The following FCHO2 variants were observed in gnomAD, a reference collection of about 807,000 sequenced individuals.
FCHO2 encodes the protein FCH and mu domain containing endocytic adaptor 2, also known as F-BAR domain only protein 2.
FCHO2 carries 43 observed loss-of-function variants against 114.1 expected under a neutral mutation model. That is an observed-to-expected ratio of 0.38 (90% CI 0.30 to 0.49). The LOEUF (loss-of-function observed/expected upper bound fraction) is 0.49, where lower values mean the gene tolerates loss of function less well. Among genes scored for constraint, FCHO2 ranks in the 20% least tolerant of loss-of-function variants. The pLI, the probability that FCHO2 is intolerant of heterozygous loss-of-function variation, is 0.97. For missense variants in FCHO2, 807 were observed against 950.4 expected (o/e 0.85, Z 1.98); for synonymous variants, 293 against 315.2 (o/e 0.93, Z 0.75).
intron 5 of FCHO2, chr5:72,997,690 G>A (rs920921906): frequency 6.4e-7 from 1 of 1,552,884 alleles, no homozygotes; most frequent in Non-Finnish European, 8.8e-7. Flanking sequence ...GGAAAGGGAG[G>A]GCGAGCCCTT....
In FCHO2 at chr5:73,053,908, G is replaced by A. The variant is rs1191295776; in HGVS notation, c.1174-252G>A. Reference sequence around the variant, plus strand: ...TTTCAGTTTGTTTTTAAAAAACAATGAACATGTATTAATTTCATACTATGA... The same window carrying A: ...TTTCAGTTTGTTTTTAAAAAACAATAAACATGTATTAATTTCATACTATGA... On this transcript the variant is annotated intron_variant, in intron 13 of 25. Transcript: ENST00000430046. 5.9e-5 allele frequency among the ~76,000 whole-genome samples: 9 copies of A among 151,930 alleles called. No individual in the cohort carries two copies. In the South Asian group the frequency reaches 1.0e-3, roughly 18 times the overall value.
At chr5:73,052,591 A>G in intron 13 of FCHO2, 84 bp downstream of exon 13, 1 of 1,047,864 alleles carries the variant, frequency 9.5e-7, no homozygotes, top group Non-Finnish European at 1.4e-6. Flanking sequence ...TTACTTAGCA[A>G]TTGTTAAGCA....
intron 8 of FCHO2, among the ~76,000 whole-genome samples, chr5:73,018,370 C>G (rs1328958318): frequency 6.6e-6 from 1 of 152,172 alleles, no homozygotes; most frequent in Non-Finnish European, 1.5e-5. Context: ...TGTTATAGCA[C>G]ACTCATCTTT....
At chr5:73,080,239 T>G (rs1743047212) in intron 22 of FCHO2, among the ~76,000 whole-genome samples, 2 of 152,196 alleles carry the variant, frequency 1.3e-5, no homozygotes, top group Non-Finnish European at 2.9e-5. Flanking sequence ...AAGATAACAA[T>G]GAGGTGTCAG....
Position 73,025,448 on chromosome 5 carries a change from G to A in FCHO2, c.796+8140G>A, listed in dbSNP as rs570903752. On this transcript the variant is annotated intron_variant, in intron 8 of 25. Transcript: ENST00000430046. Reference sequence around the variant, plus strand: ...GGCTGGAGTGCAGTGGCATGATCTCGGCTCACTGCAACCTCCGCCTGCCGG... The same window carrying A: ...GGCTGGAGTGCAGTGGCATGATCTCAGCTCACTGCAACCTCCGCCTGCCGG... Among the ~76,000 whole-genome samples, 516 of 149,110 alleles carry A rather than the reference G, an allele frequency of 3.5e-3. 2 individuals carry two copies. The highest frequency in any genetic ancestry group is 0.012 in the African/African-American group (490 of 40,360).
chr5:73,028,632 CAT>C (rs1756064954), intron 8 of FCHO2, among the ~76,000 whole-genome samples: 1 of 148,158 alleles, frequency 6.7e-6, no homozygotes, highest in Admixed American at 6.7e-5. Flanking sequence ...AATAAGAATA[CAT>C]ATTATATGAT....
Position 72,956,171 on chromosome 5 carries a change from G to C in FCHO2, c.33+42G>C, listed in dbSNP as rs886555882. On this transcript the variant is annotated intron_variant, in intron 1 of 25. Coordinates refer to ENST00000430046, the MANE Select transcript of FCHO2 (RefSeq NM_138782.3). ...GGAAGTCGTGTGTTTCGAAGTCCAAGGCTTTTGGCGCCTGAGCTTGGCCTG... is the reference window on the plus strand; with the variant it reads ...GGAAGTCGTGTGTTTCGAAGTCCAACGCTTTTGGCGCCTGAGCTTGGCCTG... The C allele has an allele frequency of 7.2e-6, 11 of 1,524,626 alleles. No homozygotes were observed. The Admixed American group carries it at 1.2e-4, about 17-fold the overall frequency. 94.4% of individuals were successfully genotyped at this position (1,524,626 alleles called of 1,614,324 possible).
chr5:73,005,877 A>C (rs1754688438), intron 5 of FCHO2, among the ~76,000 whole-genome samples: 1 of 152,306 alleles, frequency 6.6e-6, no homozygotes, highest in East Asian at 1.9e-4. Flanking sequence ...AAAAATAGGC[A>C]AAGATTGAAA....
intron 6 of FCHO2, among the ~76,000 whole-genome samples, chr5:73,014,907 C>T (rs1038828649): frequency 6.6e-6 from 1 of 151,588 alleles, no homozygotes; most frequent in South Asian, 2.1e-4. Context: ...TGAAACCCGT[C>T]TCTACTAAAA....
intron 12 of FCHO2, among the ~76,000 whole-genome samples, chr5:73,051,631 A>G (rs186394620): frequency 7.9e-5 from 12 of 152,154 alleles, no homozygotes; most frequent in Non-Finnish European, 1.8e-4. Context: ...CAGTGGCACA[A>G]TCTCAGCTCA....
At position 72,972,217 on chromosome 5, in the gene FCHO2, G is replaced by GT. The variant is rs1370759773; in HGVS notation, c.125+3634dup. Among the ~76,000 whole-genome samples, 16 of 151,988 alleles carry GT rather than the reference G, an allele frequency of 1.1e-4. No individual in the cohort carries two copies. The East Asian group carries it at 2.7e-3, about 26-fold the overall frequency. On this transcript the variant is annotated intron_variant, in intron 2 of 25. Transcript: ENST00000430046. ...TTGGTTCCATATGAACTTTAAAGTAGTTTTTTCCAATTCTGTGAAGAAAGT... is the reference window on the plus strand; with the variant it reads ...TTGGTTCCATATGAACTTTAAAGTAGTTTTTTTCCAATTCTGTGAAGAAAGT...
intron 8 of FCHO2, among the ~76,000 whole-genome samples, chr5:73,026,042 T>A (rs1274452729): frequency 6.6e-6 from 1 of 152,190 alleles, no homozygotes; most frequent in Non-Finnish European, 1.5e-5. Flanking sequence ...ACGCCTGTAA[T>A]CCCAGCACTT....
intron 1 of FCHO2, among the ~76,000 whole-genome samples, chr5:72,957,399 G>C (rs755285928): frequency 1.3e-4 from 20 of 152,038 alleles, no homozygotes; most frequent in Admixed American, 6.6e-5. Context: ...CCTGCCCCAG[G>C]CCTAGGCAAC....
chr5:72,989,734 T>C lies in FCHO2; in HGVS notation c.200+233T>C, dbSNP rs114392573. Reference sequence around the variant, plus strand: ...TATTTTTTCCCTTTTTAAAAACTAGTCATTCAATAGTGTTTGAGATTATAA... The same window carrying C: ...TATTTTTTCCCTTTTTAAAAACTAGCCATTCAATAGTGTTTGAGATTATAA... On this transcript the variant is annotated intron_variant, in intron 3 of 25. Coordinates refer to ENST00000430046, the MANE Select transcript of FCHO2 (RefSeq NM_138782.3). Among the ~76,000 whole-genome samples the C allele has an allele frequency of 2.0e-3, 312 of 152,298 alleles. 3 individuals are homozygous for C. The highest frequency in any genetic ancestry group is 7.3e-3 in the African/African-American group (302 of 41,572).
rs951102464 is a variant in FCHO2 at position 73,055,118 on chromosome 5, G to A, written c.1210+569G>A. On this transcript the variant is annotated intron_variant, in intron 15 of 25. Coordinates refer to ENST00000430046, the MANE Select transcript of FCHO2 (RefSeq NM_138782.3). ...CAGTTTTATTAAAAATTCTAACAGA[G>A]TTTAAGAGACCTAGTAAATGAATAA... 3.7e-5 allele frequency: 13 copies of A among 349,934 alleles called. No individual in the cohort carries two copies. The Admixed American group carries it at 4.2e-4, about 11-fold the overall frequency. The allele number at this position is 349,934 out of a possible 1,614,324, so 21.7% of individuals were successfully genotyped here.
chr5:73,063,977 CTG>C, intron 18 of FCHO2, 33 bp downstream of exon 18: 3 of 1,531,754 alleles, frequency 2.0e-6, no homozygotes, highest in Non-Finnish European at 1.8e-6. Flanking sequence ...AATTATTTAA[CTG>C]TTTTGATTTA....
intron 6 of FCHO2, among the ~76,000 whole-genome samples, chr5:73,013,266 T>G (rs1410277275): frequency 1.3e-5 from 2 of 152,214 alleles, no homozygotes; most frequent in Admixed American, 6.5e-5. Flanking sequence ...TCTGGATTTT[T>G]TTTTTTTTAG....
chr5:73,026,732 C>T (rs548109438), intron 8 of FCHO2, among the ~76,000 whole-genome samples: 5 of 151,878 alleles, frequency 3.3e-5, no homozygotes, highest in Admixed American at 2.6e-4. Context: ...ATTCTGTTGC[C>T]CAGTCTGGAG....
intron 9 of FCHO2, among the ~76,000 whole-genome samples, chr5:73,035,163 A>G (rs1340305862): frequency 6.6e-6 from 1 of 152,110 alleles, no homozygotes; most frequent in Non-Finnish European, 1.5e-5. Flanking sequence ...CATGCTTGTA[A>G]TCTCAGCACT....
Sources: gnomAD v4.1 joint callset for allele counts (sites outside exome capture counted in the v4.1 genomes callset) on GRCh38, gnomAD v4.1.1 for gene constraint, MANE v1.5 for transcripts, NCBI Gene and HGNC (gene_info 2026-07-23, HGNC 2026-07-21) for gene names.